ROBO2: variants seen among roughly 807,000 people sequenced by gnomAD.
The protein encoded by ROBO2 is roundabout homolog 2.
A neutral mutation model predicts 160.8 loss-of-function variants in ROBO2; 53 were observed. The observed-to-expected ratio is 0.33, with a 90% CI of 0.26 to 0.41. The LOEUF (loss-of-function observed/expected upper bound fraction) is 0.41, where lower values mean the gene tolerates loss of function less well. Ranked by LOEUF, ROBO2 falls within the 10% of genes least tolerant of loss-of-function variation. The pLI, the probability that ROBO2 is intolerant of heterozygous loss-of-function variation, is 1.00. For synonymous variants in ROBO2, 664 were observed against 611.7 expected, an observed-to-expected ratio of 1.09 and a Z score of -1.26; for missense variants, 1,577 against 1,722.4, an observed-to-expected ratio of 0.92 and a Z score of 1.49.
At chr3:76,011,939 G>A (rs1189523420) in intron 2 of ROBO2, among the ~76,000 whole-genome samples, 1 of 152,098 alleles carries the variant, frequency 6.6e-6, no homozygotes, top group Admixed American at 6.6e-5. Flanking sequence ...CCAGTGACTC[G>A]ATGCAATCAC....
At chr3:76,635,500 A>G (rs150233525) in intron 2 of ROBO2, among the ~76,000 whole-genome samples, 185 of 152,328 alleles carry the variant, frequency 1.2e-3, no homozygotes, top group Non-Finnish European at 1.8e-3. Flanking sequence ...TTGTACGTAA[A>G]TGGCTGAGTG....
intron 2 of ROBO2, among the ~76,000 whole-genome samples, chr3:76,167,101 C>T (rs542542712): frequency 7.9e-4 from 120 of 152,054 alleles, no homozygotes; most frequent in African/African-American, 2.7e-4. Flanking sequence ...CCACCACGCC[C>T]GGTTAATTTT....
intron 2 of ROBO2, among the ~76,000 whole-genome samples, chr3:76,550,927 C>A (rs9874478): frequency 0.011 from 1,660 of 152,178 alleles, 27 homozygotes; most frequent in African/African-American, 0.037. Context: ...GTGTGAACAG[C>A]CTGGGTGCTG....
At chr3:76,524,826 TAAAAAAAAAAAAAAAAAAAAAAAAAAAAA>T (rs58091252) in intron 2 of ROBO2, among the ~76,000 whole-genome samples, 2 of 21,718 alleles carry the variant, frequency 9.2e-5, no homozygotes, top group Non-Finnish European at 1.8e-4. Context: ...CTCTTATTCC[TAAAAAAAAAAAAAAAAAAAAAAAAAAAAA>T]AAAAAAAAAA....
At chr3:76,880,102 C>T (rs945530383) in intron 2 of ROBO2, among the ~76,000 whole-genome samples, 2 of 152,086 alleles carry the variant, frequency 1.3e-5, no homozygotes, top group East Asian at 1.9e-4. Flanking sequence ...TTTCTCCCCT[C>T]GAAGTGTTTT....
intron 6 of ROBO2, among the ~76,000 whole-genome samples, chr3:77,535,971 G>T (rs1196507262): frequency 6.6e-6 from 1 of 152,128 alleles, no homozygotes; most frequent in East Asian, 1.9e-4. Context: ...TATTTACAGT[G>T]TGAGTAAACT....
intron 2 of ROBO2, among the ~76,000 whole-genome samples, chr3:76,212,635 G>A (rs868286328): frequency 3.3e-5 from 5 of 152,030 alleles, no homozygotes; most frequent in Admixed American, 6.6e-5. Flanking sequence ...CTAACTCTGG[G>A]CTAAAATTAC....
At chr3:75,933,237 G>T (rs964649233) in intron 1 of ROBO2, among the ~76,000 whole-genome samples, 3 of 152,178 alleles carry the variant, frequency 2.0e-5, no homozygotes, top group Non-Finnish European at 4.4e-5. Context: ...GCTGTAATGG[G>T]CTCTGCTGTG....
chr3:76,693,707 T>C (rs1166956301), intron 2 of ROBO2, among the ~76,000 whole-genome samples: 1 of 152,066 alleles, frequency 6.6e-6, no homozygotes, highest in Non-Finnish European at 1.5e-5. Flanking sequence ...TGGAGAAACA[T>C]GGGGCCACTG....
At chr3:76,105,238 C>T (rs1465300922) in intron 2 of ROBO2, among the ~76,000 whole-genome samples, 2 of 151,708 alleles carry the variant, frequency 1.3e-5, no homozygotes, top group Non-Finnish European at 2.9e-5. Context: ...ATATAAATCC[C>T]CCTATCACCC....
At chr3:76,355,955 G>C (rs754198929) in intron 2 of ROBO2, among the ~76,000 whole-genome samples, 1 of 151,738 alleles carries the variant, frequency 6.6e-6, no homozygotes, top group African/African-American at 2.4e-5. Context: ...GGAAGTGATG[G>C]GGAGATACAA....
At chr3:76,174,288 A>G (rs977939666) in intron 2 of ROBO2, among the ~76,000 whole-genome samples, 4 of 152,104 alleles carry the variant, frequency 2.6e-5, no homozygotes, top group African/African-American at 9.7e-5. Flanking sequence ...GATCTGTTGC[A>G]AAAATTTTCT....
chr3:76,662,744 CA>C (rs1398218890), intron 2 of ROBO2, among the ~76,000 whole-genome samples: 1 of 152,038 alleles, frequency 6.6e-6, no homozygotes, highest in Admixed American at 6.6e-5. Flanking sequence ...ATGTCAGGAA[CA>C]GGGGACAGTC....
chr3:76,434,718 C>T, intron 2 of ROBO2: 2 of 1,076,306 alleles, frequency 1.9e-6, no homozygotes, highest in Non-Finnish European at 2.9e-6. Context: ...CCCCCCTCCT[C>T]CCCCAGTCTC....
chr3:76,732,137 A>C (rs2093646833), intron 2 of ROBO2, among the ~76,000 whole-genome samples: 1 of 152,158 alleles, frequency 6.6e-6, no homozygotes, highest in Non-Finnish European at 1.5e-5. Context: ...AAATCAGAGA[A>C]AACTTTAGCA....
At chr3:76,482,136 C>T (rs1433112783) in intron 2 of ROBO2, among the ~76,000 whole-genome samples, 2 of 152,052 alleles carry the variant, frequency 1.3e-5, no homozygotes, top group Admixed American at 6.6e-5. Context: ...AGCATGTGAC[C>T]CTAACTAATA....
Position 76,481,903 on chromosome 3 carries a change from A to G in ROBO2, c.109+544301A>G, listed in dbSNP as rs190723547. On this transcript the variant is annotated intron_variant, in intron 2 of 26. Coordinates refer to the ROBO2 transcript ENST00000487694. Reference sequence around the variant, plus strand: ...ATTTTTCTTCATCCAGGCAGAATACAAACAGTTACTTGTTCTCACCAAATA... The same window carrying G: ...ATTTTTCTTCATCCAGGCAGAATACGAACAGTTACTTGTTCTCACCAAATA... Among the ~76,000 whole-genome samples, 574 of 152,230 alleles carry G rather than the reference A, an allele frequency of 3.8e-3. 4 individuals are homozygous for G. Among genetic ancestry groups the G allele is most frequent in the South Asian group, 0.025 (120 of 4,828 alleles).
At chr3:76,199,925 GCTGA>G (rs1268026192) in intron 2 of ROBO2, among the ~76,000 whole-genome samples, 2 of 152,102 alleles carry the variant, frequency 1.3e-5, no homozygotes, top group Non-Finnish European at 2.9e-5. Flanking sequence ...AGTAATAGTG[GCTGA>G]CTGTCTCTGT....
At chr3:77,003,145 G>A (rs2061413121) in intron 2 of ROBO2, among the ~76,000 whole-genome samples, 1 of 151,970 alleles carries the variant, frequency 6.6e-6, no homozygotes, top group Admixed American at 6.6e-5. Context: ...TTGTTATGTA[G>A]CACCTTTGTA....
Sources: allele counts gnomAD v4.1 joint callset (sites outside exome capture counted in the v4.1 genomes callset), GRCh38; gene constraint gnomAD v4.1.1; transcripts MANE v1.5; gene names NCBI Gene and HGNC (gene_info 2026-07-23, HGNC 2026-07-21).